KCNH5: variants seen among roughly 807,000 people sequenced by gnomAD.
The protein encoded by KCNH5 is voltage-gated delayed rectifier potassium channel KCNH5.
Under a neutral mutation model 96.1 loss-of-function variants are expected in KCNH5, and 46 were observed. That is an observed-to-expected ratio of 0.48 (90% CI 0.38 to 0.61). KCNH5 has a LOEUF of 0.61. Among genes scored for constraint, KCNH5 ranks in the 20% least tolerant of loss-of-function variants. The pLI is 0.00. For missense variants in KCNH5, 907 were observed against 1,225.8 expected, an observed-to-expected ratio of 0.74 and a Z score of 3.88; for synonymous variants, 439 against 449.8, an observed-to-expected ratio of 0.98 and a Z score of 0.30.
intron 7 of KCNH5, among the ~76,000 whole-genome samples, chr14:62,852,602 T>A (rs1428422533): frequency 6.6e-6 from 1 of 152,152 alleles, no homozygotes; most frequent in East Asian, 1.9e-4. Context: ...AGCTTTTTTT[T>A]TTTGGCCAGT....
rs1886708788 is a variant in KCNH5 at position 62,803,613 on chromosome 14, A to G, written c.1570-1032T>C. Among the ~76,000 whole-genome samples, 2 of 152,172 alleles carry G rather than the reference A, an allele frequency of 1.3e-5. 1 individual carries two copies. Among genetic ancestry groups the G allele is most frequent in the South Asian group, 4.1e-4 (2 of 4,828 alleles). ...AATTCACGCTGTAGGCATCCTTTAA[A>G]AGAGGAAGCAAATGGCAGAAGTATG... On this transcript the variant is annotated intron_variant, in intron 8 of 10. Transcript: ENST00000322893.
intron 7 of KCNH5, among the ~76,000 whole-genome samples, chr14:62,906,210 C>A (rs1400629561): frequency 2.6e-5 from 4 of 152,118 alleles, no homozygotes; most frequent in Non-Finnish European, 5.9e-5. Flanking sequence ...ATGTGCATTT[C>A]CTGTGTTCAG....
At chr14:62,720,301 C>A (rs1884779733) in intron 10 of KCNH5, among the ~76,000 whole-genome samples, 1 of 152,084 alleles carries the variant, frequency 6.6e-6, no homozygotes, top group African/African-American at 2.4e-5. Flanking sequence ...GAGGGGAAGT[C>A]ATGGGAAATT....
At chr14:62,813,867 G>A (rs1886920582) in intron 8 of KCNH5, among the ~76,000 whole-genome samples, 1 of 152,090 alleles carries the variant, frequency 6.6e-6, no homozygotes, top group South Asian at 2.1e-4. Flanking sequence ...AGAAAAGAAA[G>A]CTCACCTTTA....
At position 62,956,047 on chromosome 14, in the gene KCNH5, T is replaced by C. The variant is rs1049839925; in HGVS notation, c.943-5488A>G. Among the ~76,000 whole-genome samples, 30 of 152,254 alleles carry C rather than the reference T, an allele frequency of 2.0e-4. 1 individual carries two copies. In the East Asian group the frequency reaches 5.4e-3, roughly 27 times the overall value. On this transcript the variant is annotated intron_variant, in intron 6 of 10. Coordinates refer to ENST00000322893, the MANE Select transcript of KCNH5 (RefSeq NM_139318.5). ...ATCATTGCTGCAATATTAATCTTCC[T>C]GAAAGGCAGCACTGAGCATATCGTC... is the stretch of plus-strand genomic sequence containing the variant.
At chr14:62,987,441 A>C (rs1890731538) in intron 4 of KCNH5, among the ~76,000 whole-genome samples, 1 of 152,178 alleles carries the variant, frequency 6.6e-6, no homozygotes, top group African/African-American at 2.4e-5. Flanking sequence ...TAGCCAATGC[A>C]ACTAGCTATC....
At chr14:62,836,403 A>G (rs1021441130) in intron 8 of KCNH5, among the ~76,000 whole-genome samples, 5 of 152,168 alleles carry the variant, frequency 3.3e-5, no homozygotes, top group African/African-American at 1.2e-4. Flanking sequence ...AATTCAGTTC[A>G]GTAAAATTAC....
chr14:62,709,663 A>G (rs1246185953), intron 10 of KCNH5, among the ~76,000 whole-genome samples: 2 of 152,238 alleles, frequency 1.3e-5, no homozygotes, highest in Admixed American at 1.3e-4. Flanking sequence ...AATGAGCATC[A>G]TTTTATTTAA....
At chr14:62,896,586 C>T (rs916124891) in intron 7 of KCNH5, among the ~76,000 whole-genome samples, 3 of 152,206 alleles carry the variant, frequency 2.0e-5, no homozygotes, top group Admixed American at 6.5e-5. Flanking sequence ...TTACAATCAA[C>T]GTAGCACATG....
intron 7 of KCNH5, among the ~76,000 whole-genome samples, chr14:62,919,961 G>A (rs1595684876): frequency 1.3e-5 from 2 of 152,052 alleles, no homozygotes; most frequent in African/African-American, 4.8e-5. Flanking sequence ...TCCAATTCTG[G>A]CAAGGTGATA....
intron 4 of KCNH5, among the ~76,000 whole-genome samples, chr14:62,995,382 T>A (rs1890888108): frequency 6.6e-6 from 1 of 152,088 alleles, no homozygotes; most frequent in African/African-American, 2.4e-5. Context: ...AGAATTTTTA[T>A]CAATGAAGTA....
chr14:63,043,089 T>C (rs1398931777), intron 1 of KCNH5, among the ~76,000 whole-genome samples: 1 of 152,158 alleles, frequency 6.6e-6, no homozygotes, highest in Non-Finnish European at 1.5e-5. Flanking sequence ...GAGTGGTAGA[T>C]ACAAAATGGA....
intron 2 of KCNH5, among the ~76,000 whole-genome samples, chr14:63,015,403 A>C (rs1891307259): frequency 6.6e-6 from 1 of 152,048 alleles, no homozygotes; most frequent in African/African-American, 2.4e-5. Context: ...GATGAAGGAT[A>C]TCTAGAGAGG....
chr14:62,937,535 A>G (rs1226410876), intron 7 of KCNH5, among the ~76,000 whole-genome samples: 2 of 152,190 alleles, frequency 1.3e-5, no homozygotes, highest in Non-Finnish European at 2.9e-5. Flanking sequence ...AGGAATGCAC[A>G]TCTGCAACAC....
chr14:62,871,951 A>C (rs1888264561), intron 7 of KCNH5, among the ~76,000 whole-genome samples: 1 of 152,156 alleles, frequency 6.6e-6, no homozygotes. Flanking sequence ...CAATGCTCTG[A>C]TCCCATTAAA....
At chr14:62,731,208 G>A (rs1203850373) in intron 10 of KCNH5, among the ~76,000 whole-genome samples, 4 of 151,938 alleles carry the variant, frequency 2.6e-5, no homozygotes, top group African/African-American at 7.3e-5. Context: ...GGCTGAAGCT[G>A]GAGAATCTCT....
At chr14:62,751,275 T>C (rs1240993040) in intron 10 of KCNH5, among the ~76,000 whole-genome samples, 1 of 152,174 alleles carries the variant, frequency 6.6e-6, no homozygotes, top group Non-Finnish European at 1.5e-5. Flanking sequence ...ATGACATCTA[T>C]GGGCTTTTCC....
At chr14:62,875,799 G>A (rs927297517) in intron 7 of KCNH5, among the ~76,000 whole-genome samples, 8 of 152,256 alleles carry the variant, frequency 5.3e-5, no homozygotes, top group Middle Eastern at 3.4e-3. Context: ...AGTGGATCAC[G>A]AGGTCAGGAG....
At chr14:62,990,294 T>G (rs1454556386) in intron 4 of KCNH5, among the ~76,000 whole-genome samples, 1 of 152,060 alleles carries the variant, frequency 6.6e-6, no homozygotes, top group Non-Finnish European at 1.5e-5. Flanking sequence ...GGCTTTCCAT[T>G]TGAAGCATCA....
Sources: allele counts gnomAD v4.1 joint callset (sites outside exome capture counted in the v4.1 genomes callset), GRCh38; gene constraint gnomAD v4.1.1; transcripts MANE v1.5; gene names NCBI Gene and HGNC (gene_info 2026-07-23, HGNC 2026-07-21).